Variants in WDFY3 observed in about 807,000 individuals in gnomAD.
WDFY3 encodes the protein WD repeat and FYVE domain-containing protein 3.
In WDFY3, 66 loss-of-function variants were observed where a neutral mutation model predicts 409.6. The observed-to-expected ratio is 0.16, with a 90% confidence interval of 0.13 to 0.20. The LOEUF is 0.20. WDFY3 is among the 10% of genes least tolerant of loss of function. The pLI, the probability that WDFY3 is intolerant of heterozygous loss-of-function variation, is 1.00. For synonymous variants in WDFY3, 1,521 were observed against 1,537.1 expected (o/e 0.99, Z 0.25); for missense variants, 3,031 against 4,298.1 (o/e 0.71, Z 8.24).
chr4:84,901,270 T>C (rs2150617693), intron 2 of WDFY3, among the ~76,000 whole-genome samples: 1 of 152,324 alleles, frequency 6.6e-6, no homozygotes, highest in African/African-American at 2.4e-5. Context: ...TGCTCCAATG[T>C]GGCAGTAATT....
chr4:84,866,585 C>A (rs1278785838), intron 3 of WDFY3, among the ~76,000 whole-genome samples: 1 of 152,226 alleles, frequency 6.6e-6, no homozygotes. Flanking sequence ...CAATTCACCG[C>A]AGCCTTTAAT....
At chr4:84,780,797 T>C (rs1403406475) in intron 25 of WDFY3, among the ~76,000 whole-genome samples, 1 of 149,812 alleles carries the variant, frequency 6.7e-6, no homozygotes, top group African/African-American at 2.5e-5. Flanking sequence ...AAATAAATAA[T>C]AAAATTCTTT....
chr4:84,689,772 T>C (rs2148842424), intron 61 of WDFY3, among the ~76,000 whole-genome samples: 1 of 152,356 alleles, frequency 6.6e-6, no homozygotes, highest in East Asian at 1.9e-4. Context: ...TAGAATTGTG[T>C]CGACTAGAGT....
At chr4:84,940,171 A>G (rs562920460) in intron 1 of WDFY3, among the ~76,000 whole-genome samples, 1 of 152,142 alleles carries the variant, frequency 6.6e-6, no homozygotes, top group Non-Finnish European at 1.5e-5. Flanking sequence ...AAAAAGTCCC[A>G]GAAGTGCTAT....
chr4:84,901,818 G>A (rs750882358), intron 2 of WDFY3, among the ~76,000 whole-genome samples: 4 of 152,086 alleles, frequency 2.6e-5, no homozygotes, highest in South Asian at 2.1e-4. Context: ...CATTCACAAC[G>A]GAACATTAAA....
At chr4:84,924,009 ATT>A (rs796984092) in intron 2 of WDFY3, among the ~76,000 whole-genome samples, 144 of 152,244 alleles carry the variant, frequency 9.5e-4, no homozygotes, top group African/African-American at 3.3e-3. Context: ...TAATCAGCTT[ATT>A]TTTTTGTTAA....
chr4:84,838,203 T>C (rs561236577), intron 6 of WDFY3, among the ~76,000 whole-genome samples: 11 of 152,344 alleles, frequency 7.2e-5, no homozygotes, highest in Non-Finnish European at 1.3e-4. Flanking sequence ...TACTGTTTAC[T>C]ATATAAGAGG....
intron 3 of WDFY3, among the ~76,000 whole-genome samples, chr4:84,885,027 G>T (rs1049992198): frequency 1.3e-5 from 2 of 152,114 alleles, no homozygotes; most frequent in South Asian, 4.1e-4. Context: ...CTGAGGTGAA[G>T]TCTCACTCTG....
At chr4:84,898,059 C>G (rs952960796) in intron 2 of WDFY3, among the ~76,000 whole-genome samples, 2 of 152,190 alleles carry the variant, frequency 1.3e-5, no homozygotes, top group African/African-American at 4.8e-5. Context: ...CCTAAGCTGG[C>G]AGCCACTACC....
At chr4:84,860,145 A>G (rs1306171390) in intron 4 of WDFY3, among the ~76,000 whole-genome samples, 3 of 152,228 alleles carry the variant, frequency 2.0e-5, no homozygotes, top group Non-Finnish European at 4.4e-5. Flanking sequence ...AATCTCAACC[A>G]TAACAGGGCC....
At chr4:84,856,615 C>T (rs1759795517) in intron 4 of WDFY3, among the ~76,000 whole-genome samples, 1 of 152,094 alleles carries the variant, frequency 6.6e-6, no homozygotes, top group Non-Finnish European at 1.5e-5. Context: ...ATTTCAAGAA[C>T]CCAGCATGAG....
intron 67 of WDFY3, among the ~76,000 whole-genome samples, chr4:84,676,551 A>G (rs1164874930): frequency 6.6e-6 from 1 of 152,038 alleles, no homozygotes; most frequent in Non-Finnish European, 1.5e-5. Flanking sequence ...AAGGGCATTT[A>G]TAGGGATGTG....
chr4:84,893,621 C>T (rs1765217189), intron 3 of WDFY3, among the ~76,000 whole-genome samples: 1 of 152,170 alleles, frequency 6.6e-6, no homozygotes, highest in African/African-American at 2.4e-5. Flanking sequence ...TTTTTTATTT[C>T]AATATCTAGA....
Position 84,713,212 on chromosome 4 carries a change from C to G in WDFY3, c.7989G>C (p.Thr2663=). The part of the protein sequence containing the change: ...QRFLAVVPSL[T]DSSESVSGQR... Reference sequence around the variant, plus strand: ...GCCCAGATACAGATTCTGAACTGTCCGTTAGAGATGGCACTACAGCCAAAA... The same window carrying G: ...GCCCAGATACAGATTCTGAACTGTCGGTTAGAGATGGCACTACAGCCAAAA... The change falls in exon 51 of 68, where the codon ACG becomes ACC. Residue 2663 remains threonine, a synonymous_variant. Transcript: ENST00000295888. 1 of 1,614,080 alleles carries G rather than the reference C, an allele frequency of 6.2e-7. No individual in the cohort carries two copies.
rs538561460 is a variant in WDFY3 at position 84,839,485 on chromosome 4, G to A, written c.414+1669C>T. ...CTGAGACTGTGCAGTATCCTGAGAT[G>A]CAGGCCTTCCTATCCTAAAACCTGG... On this transcript the variant is annotated intron_variant, in intron 6 of 67. Coordinates refer to ENST00000295888, the MANE Select transcript of WDFY3 (RefSeq NM_014991.6). Among the ~76,000 whole-genome samples the A allele has an allele frequency of 1.1e-4, 16 of 151,990 alleles. No homozygotes were observed. In the South Asian group the frequency reaches 3.1e-3, roughly 30 times the overall value.
intron 6 of WDFY3, among the ~76,000 whole-genome samples, chr4:84,838,654 T>G (rs1352318423): frequency 6.6e-6 from 1 of 152,222 alleles, no homozygotes; most frequent in Non-Finnish European, 1.5e-5. Flanking sequence ...GGCCCCTTTC[T>G]ACATACCCAA....
At chr4:84,706,938 C>CTTTTT (rs1229485318) in intron 53 of WDFY3, among the ~76,000 whole-genome samples, 1 of 134,870 alleles carries the variant, frequency 7.4e-6, no homozygotes, top group African/African-American at 2.8e-5. Context: ...ATTTTTACTT[C>CTTTTT]TTTTTTTTTT....
At chr4:84,814,831 AAC>A (rs1283270439) in intron 13 of WDFY3, among the ~76,000 whole-genome samples, 1 of 152,172 alleles carries the variant, frequency 6.6e-6, no homozygotes, top group African/African-American at 2.4e-5. Flanking sequence ...ACAGGAAAAA[AAC>A]ATAGTATATA....
chr4:84,743,874 C>A, intron 36 of WDFY3, 75 bp from the exon 37 acceptor site: 2 of 962,534 alleles, frequency 2.1e-6, no homozygotes, highest in South Asian at 2.4e-5. Flanking sequence ...TTTACATTAC[C>A]TAATATATTA....
Sources: gnomAD v4.1 joint callset for allele counts (sites outside exome capture counted in the v4.1 genomes callset) on GRCh38, gnomAD v4.1.1 for gene constraint, MANE v1.5 for transcripts, NCBI Gene and HGNC (gene_info 2026-07-23, HGNC 2026-07-21) for gene names.